The following MCU variants were observed in gnomAD, a reference collection of about 807,000 sequenced individuals.
MCU encodes the protein mitochondrial calcium uniporter, also known as calcium uniporter protein, mitochondrial.
MCU carries 12 observed loss-of-function variants against 45.2 expected under a neutral mutation model. That is an observed-to-expected ratio of 0.27 (90% CI 0.17 to 0.43). MCU has a LOEUF of 0.43. MCU is among the 20% of genes least tolerant of loss of function. The pLI is 1.00. For synonymous variants in MCU, 160 were observed against 165.1 expected (o/e 0.97, Z 0.24); for missense variants, 324 against 436.7 (o/e 0.74, Z 2.30).
intron 2 of MCU, among the ~76,000 whole-genome samples, chr10:72,851,392 A>G (rs1351080754): frequency 1.3e-5 from 2 of 152,226 alleles, no homozygotes; most frequent in East Asian, 1.9e-4. Context: ...AGAGAGGAGA[A>G]CTGCAATAGA....
chr10:72,711,646 G>T (rs1214294259), intron 1 of MCU, among the ~76,000 whole-genome samples: 1 of 151,040 alleles, frequency 6.6e-6, no homozygotes, highest in Non-Finnish European at 1.5e-5. Flanking sequence ...GTAGTTTGAG[G>T]TTACACTGAG....
At chr10:72,770,254 A>G (rs1843785479) in intron 1 of MCU, among the ~76,000 whole-genome samples, 1 of 151,448 alleles carries the variant, frequency 6.6e-6, no homozygotes. Flanking sequence ...CTTTTCCCTC[A>G]CTGCTTTCTT....
chr10:72,878,544 T>C (rs1208380335), intron 6 of MCU, among the ~76,000 whole-genome samples: 3 of 152,220 alleles, frequency 2.0e-5, no homozygotes, highest in Non-Finnish European at 2.9e-5. Flanking sequence ...ACATAGCCTT[T>C]AAAATAATTA....
chr10:72,793,876 C>A (rs551111059), intron 1 of MCU, among the ~76,000 whole-genome samples: 1 of 152,188 alleles, frequency 6.6e-6, no homozygotes, highest in East Asian at 1.9e-4. Context: ...GATTCAAGAC[C>A]CACTTCTTGA....
chr10:72,728,909 C>T (rs1438297973), intron 1 of MCU, among the ~76,000 whole-genome samples: 3 of 152,150 alleles, frequency 2.0e-5, no homozygotes, highest in Admixed American at 1.3e-4. Flanking sequence ...CATGAGGGAT[C>T]TAGCAAAGAT....
intron 1 of MCU, among the ~76,000 whole-genome samples, chr10:72,775,555 G>A (rs1397526492): frequency 2.0e-5 from 3 of 151,774 alleles, no homozygotes; most frequent in Non-Finnish European, 4.4e-5. Context: ...AAATGAAATC[G>A]AAACCAAAAA....
intron 1 of MCU, among the ~76,000 whole-genome samples, chr10:72,810,877 A>C (rs189788471): frequency 7.9e-5 from 12 of 152,264 alleles, no homozygotes; most frequent in Non-Finnish European, 1.6e-4. Context: ...AAGGATTGGC[A>C]CAGTAGGTCT....
chr10:72,824,068 A>G (rs889783795), intron 1 of MCU, among the ~76,000 whole-genome samples: 6 of 152,034 alleles, frequency 3.9e-5, no homozygotes, highest in Non-Finnish European at 7.4e-5. Context: ...TCACCCCAAA[A>G]AGGGCTTTAT....
rs540414571 is a variant in MCU, at chr10:72,826,534, C to T, written c.151-7825C>T. Among the ~76,000 whole-genome samples, 541 of 152,286 alleles carry T rather than the reference C, an allele frequency of 3.6e-3. 1 individual carries two copies. The highest frequency in any genetic ancestry group is 5.9e-3 in the Non-Finnish European group (401 of 68,020). ...AGCAAATGCATTGAGATTCCACAGG[C>T]TTTAATGGCACTGTGTAAGGAAATA... is the stretch of plus-strand genomic sequence containing the variant. On this transcript the variant is annotated intron_variant, in intron 1 of 7. Coordinates refer to ENST00000373053, the MANE Select transcript of MCU (RefSeq NM_138357.3).
chr10:72,726,231 C>G (rs1843098712), intron 1 of MCU, among the ~76,000 whole-genome samples: 1 of 143,194 alleles, frequency 7.0e-6, no homozygotes, highest in Non-Finnish European at 1.5e-5. Context: ...TATCAGCACA[C>G]ACATACTTCA....
rs1410998622 is a variant in MCU at position 72,887,613 on chromosome 10, T to G, written c.*1791T>G. The stretch of plus-strand genomic sequence containing the variant: ...AACAAATAGCAAACTATTGAACATG[T>G]GTAAAATCCTGTATCATTTATGAAA... On this transcript the variant is annotated 3_prime_UTR_variant, in exon 8 of 8. Transcript: ENST00000373053. The G allele has an allele frequency of 6.5e-6, 1 of 152,754 alleles. No homozygotes were observed. The highest frequency in any genetic ancestry group is 1.5e-5 in the Non-Finnish European group (1 of 68,036). 9.5% of individuals were successfully genotyped at this position (152,754 alleles called of 1,614,324 possible). A position where few individuals can be genotyped will look rare whatever the true frequency, so the allele number is the denominator to read the frequency against.
intron 1 of MCU, among the ~76,000 whole-genome samples, chr10:72,704,605 A>G (rs1254298904): frequency 6.6e-6 from 1 of 151,378 alleles, no homozygotes; most frequent in Admixed American, 6.6e-5. Flanking sequence ...TGGCACCATT[A>G]TAAATCACTG....
intron 1 of MCU, among the ~76,000 whole-genome samples, chr10:72,789,108 A>G (rs945623260): frequency 1.3e-5 from 2 of 152,128 alleles, no homozygotes; most frequent in African/African-American, 4.8e-5. Context: ...GGTTTGGGGT[A>G]TTAGATGAGG....
At chr10:72,797,657 C>T (rs968097103) in intron 1 of MCU, among the ~76,000 whole-genome samples, 2 of 151,042 alleles carry the variant, frequency 1.3e-5, no homozygotes, top group African/African-American at 2.4e-5. Context: ...GCCTCAGCCT[C>T]CCAAGTAGCT....
intron 1 of MCU, among the ~76,000 whole-genome samples, chr10:72,793,494 G>A (rs575889318): frequency 6.6e-6 from 1 of 152,160 alleles, no homozygotes; most frequent in African/African-American, 2.4e-5. Context: ...GTTATCTGTT[G>A]CTTTGTAATA....
At chr10:72,814,881 G>A (rs568586691) in intron 1 of MCU, among the ~76,000 whole-genome samples, 1 of 152,196 alleles carries the variant, frequency 6.6e-6, no homozygotes, top group South Asian at 2.1e-4. Context: ...GAAATAATAA[G>A]GCAATAGGAG....
intron 1 of MCU, among the ~76,000 whole-genome samples, chr10:72,705,832 T>C (rs1448783757): frequency 6.8e-6 from 1 of 147,578 alleles, no homozygotes. Flanking sequence ...AAAAAAAAAA[T>C]TAGTCGGGTG....
chr10:72,758,905 A>G (rs1843615480), intron 1 of MCU, among the ~76,000 whole-genome samples: 1 of 152,202 alleles, frequency 6.6e-6, no homozygotes, highest in Non-Finnish European at 1.5e-5. Context: ...GACAATGATA[A>G]TACACTTAGA....
intron 1 of MCU, among the ~76,000 whole-genome samples, chr10:72,799,472 A>G (rs780621462): frequency 1.3e-5 from 2 of 151,834 alleles, no homozygotes; most frequent in Non-Finnish European, 1.5e-5. Context: ...TACTCGTGAC[A>G]ATTTCAATAT....
Sources: gnomAD v4.1 joint callset for allele counts (sites outside exome capture counted in the v4.1 genomes callset) on GRCh38, gnomAD v4.1.1 for gene constraint, MANE v1.5 for transcripts, NCBI Gene and HGNC (gene_info 2026-07-23, HGNC 2026-07-21) for gene names.